The following PPM1K variants were observed in gnomAD, a reference collection of about 807,000 sequenced individuals.
The protein encoded by PPM1K is protein phosphatase, Mg2+/Mn2+ dependent 1K.
A neutral mutation model predicts 32.6 loss-of-function variants in PPM1K; 19 were observed. That is an observed-to-expected ratio of 0.58 (90% CI 0.41 to 0.86). The LOEUF is 0.86. Among genes scored for constraint, PPM1K ranks in the 40% least tolerant of loss-of-function variants. The pLI is 0.00. For synonymous variants in PPM1K, 159 were observed against 165.3 expected (o/e 0.96, Z 0.29); for missense variants, 362 against 461.2 (o/e 0.78, Z 1.97).
rs933762380 is a variant in PPM1K, at chr4:88,260,104, T to A, written c.*2491A>T. On this transcript the variant is annotated 3_prime_UTR_variant, in exon 7 of 7. Transcript: ENST00000608933. ...TTTTGCTCTGCTGTCCAGGCTGGAGTGCAATGGCGCGATCTCGACTCACTG... is the reference window on the plus strand; with the variant it reads ...TTTTGCTCTGCTGTCCAGGCTGGAGAGCAATGGCGCGATCTCGACTCACTG... 6.6e-6 allele frequency: 1 copy of A among 152,200 alleles called. No individual in the cohort carries two copies. Among genetic ancestry groups the A allele is most frequent in the South Asian group, 2.1e-4 (1 of 4,832 alleles). 9.4% of individuals were successfully genotyped at this position (152,200 alleles called of 1,614,324 possible).
At chr4:88,267,058 T>C (rs903204968) in intron 5 of PPM1K, among the ~76,000 whole-genome samples, 1 of 137,962 alleles carries the variant, frequency 7.2e-6, no homozygotes, top group African/African-American at 2.8e-5. Context: ...ATGCAGGTGA[T>C]GCTGATTGGG....
rs527356411 is a variant in PPM1K, at chr4:88,275,561, A to G, written c.541+1582T>C. ...GAGGCTGATGGCATTGAGAAGGCCAATGTTTTTGGTTGGTGGTCACATGCC... is the reference window on the plus strand; with the variant it reads ...GAGGCTGATGGCATTGAGAAGGCCAGTGTTTTTGGTTGGTGGTCACATGCC... On this transcript the variant is annotated intron_variant, in intron 3 of 6. Coordinates refer to ENST00000608933, the MANE Select transcript of PPM1K (RefSeq NM_152542.5). 30 of 985,452 alleles carry G rather than the reference A, an allele frequency of 3.0e-5. No individual in the cohort carries two copies. The East Asian group carries it at 1.9e-3, about 63-fold the overall frequency. The allele number at this position is 985,452 out of a possible 1,614,324, so 61.0% of individuals were successfully genotyped here. A position where few individuals can be genotyped will look rare whatever the true frequency, so the allele number is the denominator to read the frequency against.
chr4:88,267,729 C>T (rs1005207874), intron 5 of PPM1K, among the ~76,000 whole-genome samples: 1 of 152,222 alleles, frequency 6.6e-6, no homozygotes, highest in Non-Finnish European at 1.5e-5. Flanking sequence ...TATCTCTCCA[C>T]ATTTTCCTGA....
chr4:88,263,300 T>C (rs1040315159), intron 6 of PPM1K, among the ~76,000 whole-genome samples: 1 of 152,032 alleles, frequency 6.6e-6, no homozygotes, highest in African/African-American at 2.4e-5. Context: ...ATCTATCGAA[T>C]TGGTAAGAAA....
chr4:88,277,426 G>C, intron 2 of PPM1K, 183 bp from the exon 3 acceptor site: 1 of 544,022 alleles, frequency 1.8e-6, no homozygotes, highest in East Asian at 3.0e-5. Flanking sequence ...ACTGTGATAA[G>C]CTTTTAAGGG....
chr4:88,267,376 G>C (rs1440591478), intron 5 of PPM1K, among the ~76,000 whole-genome samples: 2 of 151,728 alleles, frequency 1.3e-5, no homozygotes, highest in African/African-American at 4.8e-5. Context: ...GTGTGCAGGT[G>C]ATGCTGGATG....
intron 2 of PPM1K, 69 bp from the exon 3 acceptor site, chr4:88,277,312 C>G: frequency 1.9e-6 from 2 of 1,051,050 alleles, no homozygotes; most frequent in Non-Finnish European, 3.0e-6. Context: ...CACTGTTACT[C>G]TAGCTAGCAG....
At chr4:88,267,028 A>G (rs1731349964) in intron 5 of PPM1K, among the ~76,000 whole-genome samples, 1 of 143,578 alleles carries the variant, frequency 7.0e-6, no homozygotes, top group South Asian at 2.3e-4. Flanking sequence ...GATTGGGTGC[A>G]GGTGATGCTG....
chr4:88,281,343 C>T (rs1432287750), intron 1 of PPM1K, among the ~76,000 whole-genome samples: 9 of 152,180 alleles, frequency 5.9e-5, no homozygotes, highest in Non-Finnish European at 7.4e-5. Flanking sequence ...ATATTCTTGC[C>T]GTTTTATCTC....
Position 88,259,905 on chromosome 4 carries a change from A to G in PPM1K, c.*2690T>C, listed in dbSNP as rs1330078877. On this transcript the variant is annotated 3_prime_UTR_variant, in exon 7 of 7. Transcript: ENST00000608933. ...GAGACTCTGTAACTATAAAAAACAA[A>G]AACAGACAAACTTGGCTATCTACCT... 1 of 152,224 alleles carries G rather than the reference A, an allele frequency of 6.6e-6. No homozygotes were observed. The highest frequency in any genetic ancestry group is 1.5e-5 in the Non-Finnish European group (1 of 68,076). The allele number at this position is 152,224 out of a possible 1,614,324, so 9.4% of individuals were successfully genotyped here.
chr4:88,267,590 G>C (rs1190367080), intron 5 of PPM1K, among the ~76,000 whole-genome samples: 2 of 152,202 alleles, frequency 1.3e-5, no homozygotes, highest in East Asian at 3.8e-4. Context: ...GAAAAGGCAG[G>C]GGTACACTTC....
rs765333202 is a variant in PPM1K, at chr4:88,277,251, G to A, written c.441-8C>T. 101 of 1,594,954 alleles carry A rather than the reference G, an allele frequency of 6.3e-5. No homozygotes were observed. Among genetic ancestry groups the A allele is most frequent in the Non-Finnish European group, 8.3e-5 (96 of 1,163,314 alleles). On this transcript the variant is annotated splice_region_variant and splice_polypyrimidine_tract_variant and intron_variant, in intron 2 of 6. Coordinates refer to ENST00000608933, the MANE Select transcript of PPM1K (RefSeq NM_152542.5). ...TCCTTAGGAAGCAAATCCCTTTGTG[G>A]GGAGGAAAAAAAGAGCCTTAAACAA...
At chr4:88,268,652 A>T in intron 4 of PPM1K, 89 bp downstream of exon 4, 1 of 1,340,304 alleles carries the variant, frequency 7.5e-7, no homozygotes, top group Non-Finnish European at 1.0e-6. Flanking sequence ...AGTCACTGTT[A>T]AACTTAACCA....
intron 3 of PPM1K, among the ~76,000 whole-genome samples, chr4:88,272,592 C>T (rs750583056): frequency 6.6e-6 from 1 of 152,008 alleles, no homozygotes; most frequent in Non-Finnish European, 1.5e-5. Flanking sequence ...GGATATCATC[C>T]GGATTTACTG....
At chr4:88,266,206 G>C (rs949112191) in intron 5 of PPM1K, among the ~76,000 whole-genome samples, 6 of 152,362 alleles carry the variant, frequency 3.9e-5, no homozygotes, top group African/African-American at 1.4e-4. Flanking sequence ...AGAGACTATA[G>C]TGGCTCAGGA....
Position 88,278,490 on chromosome 4 carries a change from T to C in PPM1K, c.94A>G (p.Arg32Gly). 6.2e-7 allele frequency: 1 copy of C among 1,614,178 alleles called. No individual in the cohort carries two copies. Among genetic ancestry groups the C allele is most frequent in the South Asian group, 1.1e-5 (1 of 91,078 alleles). The change falls in exon 2 of 7, where the codon AGG becomes GGG. Residue 32 changes from arginine to glycine, a missense_variant. By Grantham distance (125) the Arg-to-Gly change is moderately radical. Transcript: ENST00000608933. The surrounding 1 kb of genome is among the most constrained non-coding windows in gnomAD (Gnocchi z 4.2). ...LLSSRLLQDD[R>G]RVTPTCHSST... ...CTGTGGCACGTGGGTGTCACCCGCC[T>C]GTCGTCCTGCAGCAGGCGGGAGCTT...
rs866476539 is a variant in PPM1K, at chr4:88,262,368, C to T, written c.*227G>A. The T allele has an allele frequency of 1.1e-4, 41 of 389,370 alleles. No homozygotes were observed. Among genetic ancestry groups the T allele is most frequent in the East Asian group, 4.8e-5 (1 of 20,880 alleles). The allele number at this position is 389,370 out of a possible 1,614,324, so 24.1% of individuals were successfully genotyped here. A position where few individuals can be genotyped will look rare whatever the true frequency, so the allele number is the denominator to read the frequency against. On this transcript the variant is annotated 3_prime_UTR_variant, in exon 7 of 7. Coordinates refer to ENST00000608933, the MANE Select transcript of PPM1K (RefSeq NM_152542.5). ...GTGTATCCAAACCACTTCTCATTTGCTCTTTCCATTTAAAGACTCACAGTA... is the reference window on the plus strand; with the variant it reads ...GTGTATCCAAACCACTTCTCATTTGTTCTTTCCATTTAAAGACTCACAGTA...
intron 3 of PPM1K, 175 bp downstream of exon 3, chr4:88,276,968 G>T: frequency 1.5e-6 from 1 of 652,310 alleles, no homozygotes; most frequent in Non-Finnish European, 2.4e-6. Context: ...AACATTAATT[G>T]GAGTTCCCAA....
chr4:88,275,469 G>A, intron 3 of PPM1K: 2 of 985,270 alleles, frequency 2.0e-6, no homozygotes, highest in Non-Finnish European at 1.2e-6. Context: ...AAGGAGTCCT[G>A]TCATATTTTA....
Sources: allele counts gnomAD v4.1 joint callset (sites outside exome capture counted in the v4.1 genomes callset), GRCh38; gene constraint gnomAD v4.1.1; non-coding constraint Gnocchi (gnomAD v3.1); transcripts MANE v1.5; gene names NCBI Gene and HGNC (gene_info 2026-07-23, HGNC 2026-07-21).